The following CHST12 variants were observed in gnomAD, a reference collection of about 807,000 sequenced individuals.
The protein encoded by CHST12 is carbohydrate (chondroitin 4) sulfotransferase 12.
CHST12 carries 23 observed loss-of-function variants against 27.9 expected under a neutral mutation model. The observed-to-expected ratio is 0.82, with a 90% confidence interval of 0.59 to 1.17. The LOEUF is 1.17. Among genes scored for constraint, CHST12 ranks in the 50% most tolerant of loss-of-function variants. The probability of loss-of-function intolerance (pLI) is 0.00; values close to 1 mark genes in which losing one functional copy is unlikely to be tolerated. For synonymous variants in CHST12, 322 were observed against 273.0 expected, an observed-to-expected ratio of 1.18 and a Z score of -1.77; for missense variants, 682 against 603.0, an observed-to-expected ratio of 1.13 and a Z score of -1.37.
chr7:2,414,636 A>C (rs1781758195), intron 1 of CHST12, among the ~76,000 whole-genome samples: 1 of 152,204 alleles, frequency 6.6e-6, no homozygotes, highest in South Asian at 2.1e-4. Context: ...AAATTTTGAT[A>C]AAGTCCAATT....
intron 1 of CHST12, among the ~76,000 whole-genome samples, chr7:2,427,132 C>T (rs1328356616): frequency 6.6e-6 from 1 of 151,848 alleles, no homozygotes; most frequent in Admixed American, 6.6e-5. Context: ...TTGCAGTGAG[C>T]CAAGATCATG....
At position 2,404,518 on chromosome 7, in the gene CHST12, C is replaced by T. The variant is rs1400642137; in HGVS notation, c.-78+845C>T. Among the ~76,000 whole-genome samples, 3 of 152,234 alleles carry T rather than the reference C, an allele frequency of 2.0e-5. No homozygotes were observed. In the East Asian group the frequency reaches 5.8e-4, roughly 29 times the overall value. ...GCGGTGCTGGACGCAGTACATCTTC[C>T]AGGACACCAGGCCCTACGGTGCTGT... On this transcript the variant is annotated intron_variant, in intron 1 of 1. Coordinates refer to ENST00000618655, the MANE Select transcript of CHST12 (RefSeq NM_018641.5).
At chr7:2,427,403 A>T (rs746594069) in intron 1 of CHST12, among the ~76,000 whole-genome samples, 3 of 151,708 alleles carry the variant, frequency 2.0e-5, no homozygotes, top group Non-Finnish European at 2.9e-5. Flanking sequence ...TGGAAGGCTG[A>T]GACGGGAGGA....
chr7:2,404,970 G>C (rs1781484969), intron 1 of CHST12, among the ~76,000 whole-genome samples: 1 of 152,188 alleles, frequency 6.6e-6, no homozygotes, highest in Non-Finnish European at 1.5e-5. Flanking sequence ...TTGAGACTGT[G>C]GTGCAGGCGT....
chr7:2,443,787 G>A lies in CHST12; in HGVS notation c.*9903G>A, dbSNP rs1240139121. ...CACTGTTCTCAAACTCCAGGCCAGG[G>A]TGGTTTCCGGAGGGTCCACCGGTGG... On this transcript the variant is annotated 3_prime_UTR_variant, in exon 2 of 2. Coordinates refer to ENST00000618655, the MANE Select transcript of CHST12 (RefSeq NM_018641.5). 3 of 152,118 alleles carry A rather than the reference G, an allele frequency of 2.0e-5. No homozygotes were observed. The highest frequency in any genetic ancestry group is 2.9e-5 in the Non-Finnish European group (2 of 68,042). The allele number at this position is 152,118 out of a possible 1,614,324, so 9.4% of individuals were successfully genotyped here.
intron 1 of CHST12, among the ~76,000 whole-genome samples, chr7:2,426,622 T>A (rs1351898106): frequency 6.6e-6 from 1 of 151,578 alleles, no homozygotes; most frequent in African/African-American, 2.4e-5. Flanking sequence ...AATTATGAGG[T>A]TAGCTGTAGG....
chr7:2,416,240 C>G (rs1781805213), intron 1 of CHST12, among the ~76,000 whole-genome samples: 1 of 152,154 alleles, frequency 6.6e-6, no homozygotes, highest in Admixed American at 6.6e-5. Context: ...ATTATTTGGC[C>G]ACATCTTCAG....
At chr7:2,414,398 C>G (rs1781752535) in intron 1 of CHST12, among the ~76,000 whole-genome samples, 2 of 152,044 alleles carry the variant, frequency 1.3e-5, no homozygotes, top group South Asian at 2.1e-4. Flanking sequence ...ATTCTCTTGC[C>G]TCAGCCTCCT....
At chr7:2,429,339 G>C (rs1402369453) in intron 1 of CHST12, among the ~76,000 whole-genome samples, 1 of 151,956 alleles carries the variant, frequency 6.6e-6, no homozygotes, top group Non-Finnish European at 1.5e-5. Context: ...GCCTACCAAA[G>C]TGCTAGGATT....
intron 1 of CHST12, among the ~76,000 whole-genome samples, chr7:2,428,007 G>A (rs1274227056): frequency 2.0e-5 from 3 of 151,664 alleles, no homozygotes; most frequent in African/African-American, 7.3e-5. Flanking sequence ...TAGTAGAGAC[G>A]GGGTTTCACC....
intron 1 of CHST12, among the ~76,000 whole-genome samples, chr7:2,419,799 C>A (rs1263247083): frequency 6.6e-6 from 1 of 151,782 alleles, no homozygotes; most frequent in African/African-American, 2.4e-5. Flanking sequence ...CAGCAATCAC[C>A]ACCCTCCAGC....
chr7:2,415,812 T>C (rs1021041346), intron 1 of CHST12, among the ~76,000 whole-genome samples: 3 of 151,910 alleles, frequency 2.0e-5, no homozygotes, highest in Non-Finnish European at 4.4e-5. Context: ...GACGGGGTTT[T>C]ACCGTGTTAG....
chr7:2,415,835 C>T (rs1050346551), intron 1 of CHST12, among the ~76,000 whole-genome samples: 15 of 152,144 alleles, frequency 9.9e-5, no homozygotes, highest in East Asian at 1.9e-4. Context: ...AGGATGGTCT[C>T]GATCTCCTGA....
intron 1 of CHST12, among the ~76,000 whole-genome samples, chr7:2,426,301 A>G (rs1782115370): frequency 6.6e-6 from 1 of 152,136 alleles, no homozygotes; most frequent in South Asian, 2.1e-4. Flanking sequence ...GGGGCCTCTG[A>G]GCCTGAGATT....
chr7:2,434,078 G>C lies in CHST12; in HGVS notation c.*194G>C, dbSNP rs1046714127. The C allele has an allele frequency of 2.0e-4, 97 of 488,632 alleles. No individual in the cohort carries two copies. Among genetic ancestry groups the C allele is most frequent in the Middle Eastern group, 1.7e-3 (3 of 1,740 alleles). 30.3% of individuals were successfully genotyped at this position (488,632 alleles called of 1,614,324 possible). A position where few individuals can be genotyped will look rare whatever the true frequency, so the allele number is the denominator to read the frequency against. On this transcript the variant is annotated 3_prime_UTR_variant, in exon 2 of 2. Transcript: ENST00000618655. Reference sequence around the variant, plus strand: ...AATACGAAATGTGGAAGGGAATGCTGGAGTAAAATATCCCCTCTCCCCTCC... The same window carrying C: ...AATACGAAATGTGGAAGGGAATGCTCGAGTAAAATATCCCCTCTCCCCTCC...
At chr7:2,409,996 G>C (rs967116970) in intron 1 of CHST12, among the ~76,000 whole-genome samples, 1 of 152,032 alleles carries the variant, frequency 6.6e-6, no homozygotes, top group African/African-American at 2.4e-5. Context: ...CACTCAGGCT[G>C]GAGTGCAGTG....
chr7:2,415,511 A>G (rs1395398706), intron 1 of CHST12, among the ~76,000 whole-genome samples: 1 of 152,176 alleles, frequency 6.6e-6, no homozygotes, highest in Non-Finnish European at 1.5e-5. Context: ...AGCGAGTGGC[A>G]ATCTTTTTGC....
intron 1 of CHST12, among the ~76,000 whole-genome samples, chr7:2,412,799 G>A (rs1336097813): frequency 2.6e-5 from 4 of 152,066 alleles, no homozygotes; most frequent in African/African-American, 9.7e-5. Context: ...TTCATGTGAG[G>A]ATTAAACAAA....
At chr7:2,426,698 GAGAGACATACAGT>G in intron 1 of CHST12, among the ~76,000 whole-genome samples, 1 of 151,946 alleles carries the variant, frequency 6.6e-6, no homozygotes, top group Non-Finnish European at 1.5e-5. Flanking sequence ...AGAGTGACAG[GAGAGACATACAGT>G]CCGGGTGTGG....
Sources: gnomAD v4.1 joint callset for allele counts (sites outside exome capture counted in the v4.1 genomes callset) on GRCh38, gnomAD v4.1.1 for gene constraint, MANE v1.5 for transcripts, NCBI Gene and HGNC (gene_info 2026-07-23, HGNC 2026-07-21) for gene names.